The following MLLT3 variants were observed in gnomAD, a reference collection of about 807,000 sequenced individuals.
MLLT3 encodes protein AF-9.
Under a neutral mutation model 53.2 loss-of-function variants are expected in MLLT3, and 4 were observed. The observed-to-expected ratio is 0.08, with a 90% CI of 0.04 to 0.17. The LOEUF (loss-of-function observed/expected upper bound fraction) is 0.17, where lower values mean the gene tolerates loss of function less well. Among genes scored for constraint, MLLT3 ranks in the 10% least tolerant of loss-of-function variants. MLLT3 has a pLI of 1.00. For synonymous variants in MLLT3, 283 were observed against 230.6 expected (o/e 1.23, Z -2.06); for missense variants, 569 against 684.0 (o/e 0.83, Z 1.87).
chr9:20,611,340 C>G (rs890388691), intron 2 of MLLT3, among the ~76,000 whole-genome samples: 3 of 152,018 alleles, frequency 2.0e-5, no homozygotes, highest in Non-Finnish European at 4.4e-5. Flanking sequence ...AAATTACCTC[C>G]CTACTCTCCA....
At chr9:20,509,054 T>C (rs1413226267) in intron 2 of MLLT3, among the ~76,000 whole-genome samples, 3 of 152,236 alleles carry the variant, frequency 2.0e-5, no homozygotes, top group African/African-American at 7.2e-5. Flanking sequence ...GTTCTTTTCA[T>C]GCAAGAGAGG....
chr9:20,499,344 C>T (rs1244204528), intron 2 of MLLT3, among the ~76,000 whole-genome samples: 1 of 152,138 alleles, frequency 6.6e-6, no homozygotes, highest in Non-Finnish European at 1.5e-5. Context: ...CCATAACAGG[C>T]ATTTAGTGTT....
intron 2 of MLLT3, among the ~76,000 whole-genome samples, chr9:20,532,183 A>G (rs537942977): frequency 8.5e-4 from 129 of 152,320 alleles, no homozygotes; most frequent in African/African-American, 3.0e-3. Context: ...ACTATGTGAT[A>G]AAGTCTTCAC....
intron 4 of MLLT3, among the ~76,000 whole-genome samples, chr9:20,435,488 C>G (rs190451076): frequency 6.6e-6 from 1 of 152,292 alleles, no homozygotes; most frequent in Non-Finnish European, 1.5e-5. Flanking sequence ...TACCCAAAAT[C>G]TGGCATTAAG....
In MLLT3 at chr9:20,621,696, G is replaced by T; in HGVS notation, c.12+549C>A. 1.4e-6 allele frequency: 2 copies of T among 1,422,380 alleles called. No homozygotes were observed. The highest frequency in any genetic ancestry group is 1.5e-5 in the African/African-American group (1 of 66,718). The allele number at this position is 1,422,380 out of a possible 1,614,324, so 88.1% of individuals were successfully genotyped here. A position where few individuals can be genotyped will look rare whatever the true frequency, so the allele number is the denominator to read the frequency against. ...TCGCGCTCAGCACCTCCCGGCGCTG[G>T]GGCAAAGTTGCGTGCGGCCCCGCCG... On this transcript the variant is annotated intron_variant, in intron 1 of 10. Coordinates refer to ENST00000380338, the MANE Select transcript of MLLT3 (RefSeq NM_004529.4). The surrounding 1 kb of genome is among the most constrained non-coding windows in gnomAD (Gnocchi z 7.0).
At position 20,621,902 on chromosome 9, in the gene MLLT3, C is replaced by CGTGTGTGTGT. The variant is rs142328824; in HGVS notation, c.12+333_12+342dup. The CGTGTGTGTGT allele has an allele frequency of 9.7e-6, 12 of 1,232,578 alleles. No individual in the cohort carries two copies. The East Asian group carries it at 2.3e-4, about 24-fold the overall frequency. 76.4% of individuals were successfully genotyped at this position (1,232,578 alleles called of 1,614,324 possible). ...TGAGTTATTATTCGCCTCCTTCCAC[C>CGTGTGTGTGT]GTGTGTGTGTGTGTGTGTGAGTGCG... On this transcript the variant is annotated intron_variant, in intron 1 of 10. Transcript: ENST00000380338. The surrounding 1 kb of genome is among the most constrained non-coding windows in gnomAD (Gnocchi z 7.0).
intron 4 of MLLT3, among the ~76,000 whole-genome samples, chr9:20,430,310 T>C (rs1005071516): frequency 6.6e-6 from 1 of 152,044 alleles, no homozygotes; most frequent in Non-Finnish European, 1.5e-5. Context: ...TTACACTGAG[T>C]CTAAAATGTA....
At chr9:20,502,349 G>C (rs1343699545) in intron 2 of MLLT3, 1 of 153,672 alleles carries the variant, frequency 6.5e-6, no homozygotes, top group Non-Finnish European at 1.5e-5. Flanking sequence ...GCAAATGCCA[G>C]CCTGTGATGT....
intron 2 of MLLT3, among the ~76,000 whole-genome samples, chr9:20,464,052 G>A (rs191110421): frequency 9.2e-4 from 140 of 151,484 alleles, no homozygotes; most frequent in African/African-American, 3.1e-3. Flanking sequence ...TAAAACAATC[G>A]CCTTTTGATT....
intron 2 of MLLT3, among the ~76,000 whole-genome samples, chr9:20,495,346 T>C (rs932021572): frequency 6.6e-6 from 1 of 152,200 alleles, no homozygotes; most frequent in African/African-American, 2.4e-5. Flanking sequence ...AATTTGCATT[T>C]AACAAGATGC....
At chr9:20,412,398 T>C (rs1822751696) in intron 5 of MLLT3, among the ~76,000 whole-genome samples, 2 of 152,218 alleles carry the variant, frequency 1.3e-5, no homozygotes, top group Admixed American at 6.5e-5. Context: ...ATTTTCCCAA[T>C]GTCCAGTATT....
At chr9:20,440,465 T>C (rs777481978) in intron 4 of MLLT3, among the ~76,000 whole-genome samples, 1 of 152,152 alleles carries the variant, frequency 6.6e-6, no homozygotes, top group Non-Finnish European at 1.5e-5. Context: ...AAACAAAATG[T>C]TAATCATAGC....
chr9:20,367,596 T>C (rs2118658369), intron 5 of MLLT3, among the ~76,000 whole-genome samples: 1 of 152,290 alleles, frequency 6.6e-6, no homozygotes, highest in East Asian at 1.9e-4. Context: ...ACCAACAAAC[T>C]TGAATTTTAC....
In MLLT3 at chr9:20,620,514, G is replaced by C. The variant is rs1820970989; in HGVS notation, c.193+140C>G. 3 of 494,412 alleles carry C rather than the reference G, an allele frequency of 6.1e-6. No individual in the cohort carries two copies. Among genetic ancestry groups the C allele is most frequent in the Non-Finnish European group, 8.7e-6 (3 of 344,236 alleles). The allele number at this position is 494,412 out of a possible 1,614,324, so 30.6% of individuals were successfully genotyped here. A position where few individuals can be genotyped will look rare whatever the true frequency, so the allele number is the denominator to read the frequency against. ...AGGCGGGAGCCGGGACCTGGCCCGC[G>C]CGGCGCCGCGCACCCGGATCCCGAG... On this transcript the variant is annotated intron_variant, in intron 2 of 10. Coordinates refer to ENST00000380338, the MANE Select transcript of MLLT3 (RefSeq NM_004529.4). This position sits in a 1 kb window ranked among gnomAD's most constrained non-coding sequence, Gnocchi z 6.1.
intron 2 of MLLT3, among the ~76,000 whole-genome samples, chr9:20,527,932 A>G (rs1208826638): frequency 6.6e-6 from 1 of 152,246 alleles, no homozygotes; most frequent in Non-Finnish European, 1.5e-5. Context: ...GATTTCAGAA[A>G]TGAGGAAAGT....
At chr9:20,610,951 G>C (rs1820686505) in intron 2 of MLLT3, among the ~76,000 whole-genome samples, 1 of 152,026 alleles carries the variant, frequency 6.6e-6, no homozygotes, top group Admixed American at 6.6e-5. Context: ...AATCCCCCAT[G>C]TTTCATTGAC....
At chr9:20,439,599 G>A (rs904573629) in intron 4 of MLLT3, among the ~76,000 whole-genome samples, 1 of 152,050 alleles carries the variant, frequency 6.6e-6, no homozygotes, top group Non-Finnish European at 1.5e-5. Context: ...GAAGGGGAGT[G>A]GGGGGATGGC....
At chr9:20,375,704 G>A (rs796387717) in intron 5 of MLLT3, among the ~76,000 whole-genome samples, 2 of 150,924 alleles carry the variant, frequency 1.3e-5, no homozygotes, top group African/African-American at 4.9e-5. Context: ...CGCCTCCTGG[G>A]TTCACGCCAT....
At position 20,414,309 on chromosome 9, in the gene MLLT3, G is replaced by A. The variant is rs1264602729; in HGVS notation, c.537C>T (p.Ser179=). The A allele has an allele frequency of 1.2e-6, 2 of 1,608,020 alleles. No individual in the cohort carries two copies. Among genetic ancestry groups the A allele is most frequent in the Non-Finnish European group, 1.7e-6 (2 of 1,177,524 alleles). ...SSSSSSSSSS[S]SSSSSSSSSS... is the part of the protein sequence containing the mutation. ...TGCTGCTGCTGCTGCTACTGCTGCT[G>A]CTACTGCTGCTGCTGCTGCTGCTGC... The change falls in exon 5 of 11, where the codon AGC becomes AGT. Residue 179 remains serine (S), a synonymous_variant. Coordinates refer to ENST00000380338, the MANE Select transcript of MLLT3 (RefSeq NM_004529.4).
Sources: gnomAD v4.1 joint callset for allele counts (sites outside exome capture counted in the v4.1 genomes callset) on GRCh38, gnomAD v4.1.1 for gene constraint, Gnocchi (gnomAD v3.1) non-coding constraint, MANE v1.5 for transcripts, NCBI Gene and HGNC (gene_info 2026-07-23, HGNC 2026-07-21) for gene names.